Variants in NUF2 observed in about 807,000 individuals in gnomAD.
The protein encoded by NUF2 is kinetochore protein Nuf2.
NUF2 carries 34 observed loss-of-function variants against 61.8 expected under a neutral mutation model. The observed-to-expected ratio is 0.55, with a 90% confidence interval of 0.42 to 0.73. The LOEUF (loss-of-function observed/expected upper bound fraction) is 0.73. Ranked by LOEUF, NUF2 falls within the 30% of genes least tolerant of loss-of-function variation. The pLI, the probability that NUF2 is intolerant of heterozygous loss-of-function variation, is 0.00. For synonymous variants in NUF2, 172 were observed against 181.6 expected (o/e 0.95, Z 0.42); for missense variants, 445 against 539.1 (o/e 0.83, Z 1.73).
chr1:163,326,593 GC>G lies in NUF2; in HGVS notation c.123+423del, dbSNP rs1374322695. On this transcript the variant is annotated intron_variant, in intron 2 of 13. Transcript: ENST00000271452. ...CTACAGATTAATTTTCATGCATTATGCCCCAGGGGGAATTGACTTGTTTTGA... is the reference window on the plus strand; with the variant it reads ...CTACAGATTAATTTTCATGCATTATGCCCAGGGGGAATTGACTTGTTTTGA... Among the ~76,000 whole-genome samples the G allele has an allele frequency of 1.8e-4, 28 of 152,028 alleles. 1 individual carries two copies. Among genetic ancestry groups the G allele is most frequent in the Non-Finnish European group, 7.4e-5 (5 of 67,978 alleles).
intron 5 of NUF2, among the ~76,000 whole-genome samples, chr1:163,331,723 T>G (rs1159256623): frequency 6.6e-6 from 1 of 152,010 alleles, no homozygotes; most frequent in African/African-American, 2.4e-5. Flanking sequence ...CTGAGTGAGC[T>G]TTGGTGATTT....
intron 1 of NUF2, among the ~76,000 whole-genome samples, chr1:163,324,517 A>AG (rs1375080687): frequency 6.6e-6 from 1 of 151,962 alleles, no homozygotes; most frequent in Non-Finnish European, 1.5e-5. Flanking sequence ...AAATTCTAAA[A>AG]AAATTAGGAG....
At position 163,351,670 on chromosome 1, in the gene NUF2, C is replaced by T. The variant is rs570006125; in HGVS notation, c.1260+2590C>T. Among the ~76,000 whole-genome samples the T allele has an allele frequency of 3.7e-4, 57 of 152,274 alleles. 1 individual carries two copies. Among genetic ancestry groups the T allele is most frequent in the African/African-American group, 1.2e-3 (51 of 41,562 alleles). On this transcript the variant is annotated intron_variant, in intron 13 of 13. Transcript: ENST00000271452. ...AACTTGCTAAGTTGTTCTTACCTAC[C>T]TTGATTCAGGCTACGTTGTGATATC...
chr1:163,328,059 A>G, intron 3 of NUF2, 169 bp from the exon 4 acceptor site: 1 of 483,362 alleles, frequency 2.1e-6, no homozygotes, highest in Non-Finnish European at 3.6e-6. Flanking sequence ...TTAAGCACCT[A>G]CTGTGAACCT....
intron 7 of NUF2, 156 bp from the exon 8 acceptor site, chr1:163,339,225 C>T (rs1452845050): frequency 1.0e-5 from 6 of 580,992 alleles, no homozygotes; most frequent in East Asian, 8.6e-5. Context: ...GTAGTAGAGG[C>T]CAGATCATTC....
At chr1:163,337,234 TG>T (rs1650787710) in intron 6 of NUF2, among the ~76,000 whole-genome samples, 1 of 152,134 alleles carries the variant, frequency 6.6e-6, no homozygotes, top group Non-Finnish European at 1.5e-5. Context: ...TTTTAAATAA[TG>T]GCATAATTGG....
At chr1:163,332,913 C>A (rs1464442725) in intron 5 of NUF2, among the ~76,000 whole-genome samples, 1 of 152,208 alleles carries the variant, frequency 6.6e-6, no homozygotes, top group Non-Finnish European at 1.5e-5. Flanking sequence ...ACCACATGGT[C>A]TACCCTTGTA....
intron 5 of NUF2, among the ~76,000 whole-genome samples, chr1:163,335,515 C>T (rs1005921068): frequency 6.6e-6 from 1 of 151,730 alleles, no homozygotes; most frequent in African/African-American, 2.4e-5. Context: ...GTCTTCTAAG[C>T]TAGTTGTTAG....
chr1:163,343,547 G>A (rs1329081763), intron 9 of NUF2, among the ~76,000 whole-genome samples, 186 bp from the exon 10 acceptor site: 2 of 152,138 alleles, frequency 1.3e-5, no homozygotes, highest in Non-Finnish European at 2.9e-5. Context: ...TGAATGTCCT[G>A]CTAAGGAGCT....
Position 163,338,104 on chromosome 1 carries a change from G to A in NUF2, c.509+11G>A, listed in dbSNP as rs1409250464. ...ACTGGAGAGACTTGAGTAAGTGGGA[G>A]ATTTACAAGTAAAATAAATGCAATT... On this transcript the variant is annotated intron_variant, in intron 7 of 13. Transcript: ENST00000271452. 2.5e-6 allele frequency: 4 copies of A among 1,601,334 alleles called. No individual in the cohort carries two copies. The highest frequency in any genetic ancestry group is 2.6e-6 in the Non-Finnish European group (3 of 1,168,900).
Position 163,355,540 on chromosome 1 carries a change from A to C in NUF2, c.*71A>C. ...ATTTTCTATTTAGAAAGAAAAGTTG[A>C]AGCGAATGGAAGTATCAGAAGTACC... On this transcript the variant is annotated 3_prime_UTR_variant, in exon 14 of 14. Coordinates refer to ENST00000271452, the MANE Select transcript of NUF2 (RefSeq NM_145697.3). 1 of 1,353,866 alleles carries C rather than the reference A, an allele frequency of 7.4e-7. No homozygotes were observed. Among genetic ancestry groups the C allele is most frequent in the Non-Finnish European group, 1.0e-6 (1 of 986,260 alleles). The allele number at this position is 1,353,866 out of a possible 1,614,324, so 83.9% of individuals were successfully genotyped here. A position where few individuals can be genotyped will look rare whatever the true frequency, so the allele number is the denominator to read the frequency against.
intron 2 of NUF2, 107 bp downstream of exon 2, chr1:163,326,281 A>G: frequency 1.0e-6 from 1 of 954,212 alleles, no homozygotes; most frequent in South Asian, 2.2e-5. Context: ...TTTGATGGAG[A>G]CCAGTCATTT....
chr1:163,329,735 C>T (rs935457105), intron 5 of NUF2, among the ~76,000 whole-genome samples: 3 of 152,092 alleles, frequency 2.0e-5, no homozygotes, highest in Non-Finnish European at 4.4e-5. Flanking sequence ...CCAAATGAAT[C>T]GAAAGCTTAT....
intron 13 of NUF2, among the ~76,000 whole-genome samples, chr1:163,350,166 G>C (rs1651265237): frequency 1.3e-5 from 2 of 151,900 alleles, no homozygotes; most frequent in Non-Finnish European, 2.9e-5. Context: ...GCCAGGCGTG[G>C]TGGTGGGTGC....
chr1:163,334,939 T>C (rs1650708080), intron 5 of NUF2, among the ~76,000 whole-genome samples: 1 of 149,870 alleles, frequency 6.7e-6, no homozygotes, highest in South Asian at 2.2e-4. Flanking sequence ...TTTTTGTGTG[T>C]TTGTCTTGTT....
intron 8 of NUF2, 135 bp downstream of exon 8, chr1:163,339,612 G>A: frequency 3.3e-6 from 2 of 605,082 alleles, no homozygotes; most frequent in South Asian, 2.1e-5. Context: ...GCCCATTTGT[G>A]CCCCTTATAA....
At position 163,338,066 on chromosome 1, in the gene NUF2, A is replaced by C; in HGVS notation, c.482A>C (p.Glu161Ala). The change falls in exon 7 of 14, where the codon GAG becomes GCG. Residue 161 changes from glutamate to alanine, a missense_variant. Coordinates refer to ENST00000271452, the MANE Select transcript of NUF2 (RefSeq NM_145697.3). ...CAACAGTTAAACGCCGCACACCAGG[A>C]GGCATTAATGAAACTGGAGAGACTT... The part of the protein sequence containing the change: ...KMQQLNAAHQ[E>A]ALMKLERLDS... 6.2e-7 allele frequency: 1 copy of C among 1,613,112 alleles called. No homozygotes were observed. Among genetic ancestry groups the C allele is most frequent in the Non-Finnish European group, 8.5e-7 (1 of 1,179,224 alleles).
rs1346517783 is a variant in NUF2 at position 163,322,155 on chromosome 1, G to A, written c.-78G>A. 1 of 152,352 alleles carries A rather than the reference G, an allele frequency of 6.6e-6. No individual in the cohort carries two copies. The highest frequency in any genetic ancestry group is 1.9e-4 in the East Asian group (1 of 5,198). The allele number at this position is 152,352 out of a possible 1,614,324, so 9.4% of individuals were successfully genotyped here. ...GGCAGGTGCCGGGACGCTGGGCCTGGCGGTGTTTTCGTCGTGCTCAGCGGT... is the reference window on the plus strand; with the variant it reads ...GGCAGGTGCCGGGACGCTGGGCCTGACGGTGTTTTCGTCGTGCTCAGCGGT... On this transcript the variant is annotated 5_prime_UTR_variant, in exon 1 of 14. Coordinates refer to ENST00000271452, the MANE Select transcript of NUF2 (RefSeq NM_145697.3).
intron 8 of NUF2, 28 bp downstream of exon 8, chr1:163,339,505 T>A: frequency 1.4e-6 from 2 of 1,421,994 alleles, no homozygotes; most frequent in Non-Finnish European, 2.0e-6. Flanking sequence ...CCTTAAACTT[T>A]AAAAAACAAA....
Sources: gnomAD v4.1 joint callset for allele counts (sites outside exome capture counted in the v4.1 genomes callset) on GRCh38, gnomAD v4.1.1 for gene constraint, MANE v1.5 for transcripts, NCBI Gene and HGNC (gene_info 2026-07-23, HGNC 2026-07-21) for gene names.